TSFM: variants seen among roughly 807,000 people sequenced by gnomAD.
TSFM encodes the protein Ts translation elongation factor, mitochondrial, also known as elongation factor Ts, mitochondrial.
Under a neutral mutation model 33.4 loss-of-function variants are expected in TSFM, and 29 were observed. The observed-to-expected ratio is 0.87, with a 90% CI of 0.65 to 1.18. The LOEUF (loss-of-function observed/expected upper bound fraction) is 1.18, where lower values mean the gene tolerates loss of function less well. Among genes scored for constraint, TSFM ranks in the 50% most tolerant of loss-of-function variants. The pLI is 0.00. For synonymous variants in TSFM, 178 were observed against 163.5 expected (o/e 1.09, Z -0.68); for missense variants, 394 against 395.6 (o/e 1.00, Z 0.04).
chr12:57,788,512 A>G (rs1270695419), intron 4 of TSFM, among the ~76,000 whole-genome samples: 3 of 152,036 alleles, frequency 2.0e-5, no homozygotes, highest in African/African-American at 4.8e-5. Flanking sequence ...CCTGACCTCA[A>G]GTGATTCGCC....
In TSFM at chr12:57,783,329, CAG is replaced by C. The variant is rs766302387; in HGVS notation, c.231+48_231+49del. ...AGGGCGGAGTACTAGAGCTCGACCT[CAG>C]ACTCTTGGGGCGGTCACGCTGGGGA... On this transcript the variant is annotated intron_variant, in intron 2 of 5. Transcript: ENST00000652027. 3 of 1,611,130 alleles carry C rather than the reference CAG, an allele frequency of 1.9e-6. No individual in the cohort carries two copies. The East Asian group carries it at 6.7e-5, about 36-fold the overall frequency.
intron 3 of TSFM, among the ~76,000 whole-genome samples, chr12:57,786,593 T>C (rs1565821405): frequency 1.3e-5 from 2 of 152,254 alleles, no homozygotes; most frequent in Admixed American, 6.5e-5. Context: ...AAGTTAATTA[T>C]ATTAATTGTT....
intron 2 of TSFM, among the ~76,000 whole-genome samples, chr12:57,784,367 A>G (rs1009606711): frequency 6.6e-6 from 1 of 152,224 alleles, no homozygotes; most frequent in African/African-American, 2.4e-5. Flanking sequence ...ACGTTAAAGC[A>G]CAGTACACAT....
intron 4 of TSFM, among the ~76,000 whole-genome samples, chr12:57,788,445 A>G (rs1217453866): frequency 9.2e-5 from 14 of 151,508 alleles, no homozygotes; most frequent in Admixed American, 6.6e-4. Context: ...CACGCCTAGT[A>G]TTTGTATTTT....
In TSFM at chr12:57,796,306, A is replaced by G. The variant is rs1018843825; in HGVS notation, c.701A>G (p.Tyr234Cys). The G allele has an allele frequency of 6.2e-7, 1 of 1,612,148 alleles. No homozygotes were observed. The highest frequency in any genetic ancestry group is 8.5e-7 in the Non-Finnish European group (1 of 1,179,034). ...PSLHKLVLGKYGALVICETSE... is the reference protein window; with the variant it reads ...PSLHKLVLGKCGALVICETSE... ...CTTCACAAGCTGGTGCTGGGGAAGT[A>G]TGGGGCCCTGGTCATCTGTGAGACG... is the stretch of plus-strand genomic sequence containing the variant. Residue 234 changes from tyrosine (Y) to cysteine (C), a missense_variant, in exon 6 of 6, where the codon TAT becomes TGT. Around this residue, in one of 3 missense-constraint regions of TSFM, gnomAD observed 186 missense variants for 198.8 expected, o/e 0.94. Coordinates refer to ENST00000652027, the MANE Select transcript of TSFM (RefSeq NM_005726.6).
chr12:57,797,852 G>T, downstream of TSFM: 4 of 1,497,198 alleles, frequency 2.7e-6, no homozygotes, highest in South Asian at 1.3e-5. Flanking sequence ...TCTTTTCTGT[G>T]GCCTTGCAAT....
intron 4 of TSFM, among the ~76,000 whole-genome samples, chr12:57,790,696 T>G (rs1595141927): frequency 6.6e-6 from 1 of 152,266 alleles, no homozygotes; most frequent in East Asian, 1.9e-4. Flanking sequence ...CTTATGTTAC[T>G]CATTTGAAAT....
In TSFM at chr12:57,797,204, G is replaced by A; in HGVS notation, c.*621G>A. On this transcript the variant is annotated 3_prime_UTR_variant, in exon 6 of 6. Transcript: ENST00000652027. Reference sequence around the variant, plus strand: ...GGTGGGTACTGAGGTTTCCTGGCCAGCTGTAAGGCAGATTTTGACATTCTT... The same window carrying A: ...GGTGGGTACTGAGGTTTCCTGGCCAACTGTAAGGCAGATTTTGACATTCTT... 1 of 985,446 alleles carries A rather than the reference G, an allele frequency of 1.0e-6. No homozygotes were observed. The highest frequency in any genetic ancestry group is 4.7e-5 in the South Asian group (1 of 21,292). 61.0% of individuals were successfully genotyped at this position (985,446 alleles called of 1,614,324 possible). A position where few individuals can be genotyped will look rare whatever the true frequency, so the allele number is the denominator to read the frequency against.
At position 57,782,905 on chromosome 12, in the gene TSFM, C is replaced by T. The variant is rs374690086; in HGVS notation, c.57+47C>T. The T allele has an allele frequency of 7.5e-5, 117 of 1,549,798 alleles. 1 individual carries two copies. The African/African-American group carries it at 1.3e-3, about 18-fold the overall frequency. ...ACCGACCTGCTGTCCCTGCAGCTCT[C>T]CTGTGCGCCTGTACCTTTCCCTTCC... On this transcript the variant is annotated intron_variant, in intron 1 of 5. Coordinates refer to ENST00000652027, the MANE Select transcript of TSFM (RefSeq NM_005726.6).
intron 5 of TSFM, among the ~76,000 whole-genome samples, chr12:57,795,430 A>C (rs147448917): frequency 6.6e-6 from 1 of 151,992 alleles, no homozygotes; most frequent in African/African-American, 2.4e-5. Flanking sequence ...TTTCTCCCCA[A>C]AACCCTGAAA....
At chr12:57,791,658 A>T (rs1199711302) in intron 4 of TSFM, among the ~76,000 whole-genome samples, 1 of 152,176 alleles carries the variant, frequency 6.6e-6, no homozygotes, top group Non-Finnish European at 1.5e-5. Flanking sequence ...CCAACTACAT[A>T]GTATTCTGTT....
Position 57,786,747 on chromosome 12 carries a change from G to C in TSFM, c.361-293G>C, listed in dbSNP as rs567884942. 9.8e-5 allele frequency among the ~76,000 whole-genome samples: 15 copies of C among 152,350 alleles called. No homozygotes were observed. The East Asian group carries it at 2.9e-3, about 29-fold the overall frequency. On this transcript the variant is annotated intron_variant, in intron 3 of 5. Coordinates refer to ENST00000652027, the MANE Select transcript of TSFM (RefSeq NM_005726.6). ...GGAGTTGGGATGGCTGGAGAATGAGGTGATGATGGTGTGCAGACATAGGTA... is the reference window on the plus strand; with the variant it reads ...GGAGTTGGGATGGCTGGAGAATGAGCTGATGATGGTGTGCAGACATAGGTA...
At chr12:57,794,864 A>G (rs1187027855) in intron 5 of TSFM, among the ~76,000 whole-genome samples, 2 of 150,704 alleles carry the variant, frequency 1.3e-5, no homozygotes, top group Admixed American at 6.6e-5. Context: ...GGCTCACGCC[A>G]TTCTCCTGCC....
intron 4 of TSFM, among the ~76,000 whole-genome samples, chr12:57,790,343 C>G (rs1188358711): frequency 1.3e-5 from 2 of 152,124 alleles, no homozygotes; most frequent in African/African-American, 4.8e-5. Flanking sequence ...GCTGGGATTA[C>G]AGGCGTGAAC....
In TSFM at chr12:57,783,122, C is replaced by G. The variant is rs771371893; in HGVS notation, c.70C>G (p.Leu24Val). 9 of 1,610,588 alleles carry G rather than the reference C, an allele frequency of 5.6e-6. No individual in the cohort carries two copies. Among genetic ancestry groups the G allele is most frequent in the Non-Finnish European group, 7.6e-6 (9 of 1,179,592 alleles). Reference protein sequence around the residue: ...RTGSYPAGSLLRQSPQPRHTF... With the variant: ...RTGSYPAGSLVRQSPQPRHTF... Reference sequence around the variant, plus strand: ...TTATCTCATCTAGGCTGGGTCTCTTCTGCGTCAGTCGCCCCAGCCAAGGCA... The same window carrying G: ...TTATCTCATCTAGGCTGGGTCTCTTGTGCGTCAGTCGCCCCAGCCAAGGCA... Residue 24 changes from leucine (L) to valine (V), a missense_variant, in exon 2 of 6, where the codon CTG (leucine) becomes GTG (valine). This residue lies in a region of TSFM where 208 missense variants were observed against 180.4 expected (regional missense o/e 1.15). Transcript: ENST00000652027.
At chr12:57,794,584 T>G (rs764304430) in intron 5 of TSFM, among the ~76,000 whole-genome samples, 2 of 152,200 alleles carry the variant, frequency 1.3e-5, no homozygotes, top group African/African-American at 4.8e-5. Context: ...GTGTCAGTTA[T>G]GGAGTATTCA....
chr12:57,796,687 A>G lies in TSFM; in HGVS notation c.*104A>G. 13 of 1,256,296 alleles carry G rather than the reference A, an allele frequency of 1.0e-5. No homozygotes were observed. The highest frequency in any genetic ancestry group is 1.2e-5 in the Non-Finnish European group (12 of 994,636). The allele number at this position is 1,256,296 out of a possible 1,614,324, so 77.8% of individuals were successfully genotyped here. Reference sequence around the variant, plus strand: ...CTCTTCAGACCGAGAATGCATGGGTAAAATTATTAAATAGTTGTATAATAA... The same window carrying G: ...CTCTTCAGACCGAGAATGCATGGGTGAAATTATTAAATAGTTGTATAATAA... On this transcript the variant is annotated 3_prime_UTR_variant, in exon 6 of 6. Coordinates refer to ENST00000652027, the MANE Select transcript of TSFM (RefSeq NM_005726.6).
In TSFM at chr12:57,796,591, A is replaced by G. The variant is rs1955744224; in HGVS notation, c.*8A>G. 7 of 1,385,820 alleles carry G rather than the reference A, an allele frequency of 5.1e-6. No homozygotes were observed. Among genetic ancestry groups the G allele is most frequent in the Non-Finnish European group, 5.7e-6 (6 of 1,061,936 alleles). 85.8% of individuals were successfully genotyped at this position (1,385,820 alleles called of 1,614,324 possible). ...GCAGCAGAAACTGAATAGGTTCCAGAGACTTTTGGCCCAGGAGGAATATTT... is the reference window on the plus strand; with the variant it reads ...GCAGCAGAAACTGAATAGGTTCCAGGGACTTTTGGCCCAGGAGGAATATTT... On this transcript the variant is annotated 3_prime_UTR_variant, in exon 6 of 6. Coordinates refer to ENST00000652027, the MANE Select transcript of TSFM (RefSeq NM_005726.6).
chr12:57,785,044 A>G (rs550379612), intron 2 of TSFM, among the ~76,000 whole-genome samples: 1 of 142,544 alleles, frequency 7.0e-6, no homozygotes, highest in East Asian at 2.2e-4. Context: ...CTCCTGCCTC[A>G]GCCTCCTGAG....
Sources: allele counts gnomAD v4.1 joint callset (sites outside exome capture counted in the v4.1 genomes callset), GRCh38; gene constraint gnomAD v4.1.1; regional missense constraint gnomAD v4.1.1; transcripts MANE v1.5; gene names NCBI Gene and HGNC (gene_info 2026-07-23, HGNC 2026-07-21).